LCTL: variants seen among roughly 807,000 people sequenced by gnomAD.
LCTL encodes the protein lactase like, also known as lactase-like protein.
LCTL carries 76 observed loss-of-function variants against 75.8 expected under a neutral mutation model. The observed-to-expected ratio is 1.00, with a 90% CI of 0.83 to 1.21. LCTL has a LOEUF of 1.21. Ranked by LOEUF, LCTL falls within the 50% of genes most tolerant of loss-of-function variation. The pLI is 0.00. For missense variants in LCTL, 670 were observed against 712.4 expected (o/e 0.94, Z 0.68); for synonymous variants, 271 against 268.8 (o/e 1.01, Z -0.08).
intron 6 of LCTL, among the ~76,000 whole-genome samples, chr15:66,559,267 A>G (rs1416610692): frequency 1.3e-5 from 2 of 152,244 alleles, no homozygotes; most frequent in African/African-American, 2.4e-5. Context: ...TGAAGGCTAT[A>G]GAATTCGGGG....
chr15:66,558,726 C>T (rs1166157699), intron 6 of LCTL, among the ~76,000 whole-genome samples: 2 of 143,776 alleles, frequency 1.4e-5, no homozygotes, highest in Non-Finnish European at 3.0e-5. Flanking sequence ...GATGGAGTCT[C>T]GCTCTGTGGC....
rs764839217 is a variant in LCTL at position 66,557,672 on chromosome 15, G to A, written c.922+50C>T. ...CCTGCCTTTTGCTTGTTTCACATGG[G>A]CTCAATAACTTGCCCTAGTATCTGC... is the stretch of plus-strand genomic sequence containing the variant. On this transcript the variant is annotated intron_variant, in intron 8 of 12. Coordinates refer to ENST00000341509, the Ensembl canonical transcript of LCTL. 5.1e-6 allele frequency: 8 copies of A among 1,578,698 alleles called. No individual in the cohort carries two copies. In the South Asian group the frequency reaches 7.9e-5, roughly 16 times the overall value.
chr15:66,552,997 A>G (rs1355990430), exon 9 of LCTL: 1 of 1,461,932 alleles, frequency 6.8e-7, no homozygotes, highest in Non-Finnish European at 9.0e-7. Context: ...AGCAAAGTTA[A>G]GGAGCCTCCT....
In LCTL at chr15:66,553,107, CT is replaced by C. The variant is rs1182107959; in HGVS notation, c.1073del (p.Gln358ArgfsTer11). The C allele has an allele frequency of 4.3e-6, 7 of 1,611,518 alleles. No homozygotes were observed. In the East Asian group the frequency reaches 1.6e-4, roughly 36 times the overall value. On this transcript the variant is annotated frameshift_variant, in exon 9 of 13. Coordinates refer to ENST00000341509, the Ensembl canonical transcript of LCTL. LOFTEE classifies it high-confidence loss of function. ...CACGATCGTTCTGGTAGCTGGGCCC[CT>C]GGCGGGAGGGGTAGTTCCTTTCCGT...
At chr15:66,553,392 A>G in intron 8 of LCTL, 134 bp from the exon 10 acceptor site, 1 of 690,218 alleles carries the variant, frequency 1.4e-6, no homozygotes. Context: ...GTATAACCTT[A>G]GCCATCCAAA....
chr15:66,563,919 C>A, exon 3 of LCTL: 1 of 1,613,910 alleles, frequency 6.2e-7, no homozygotes, highest in Non-Finnish European at 8.5e-7. Context: ...ACCTCGGATG[C>A]CTGTGGGCAG....
intron 4 of LCTL, among the ~76,000 whole-genome samples, chr15:66,563,140 C>G (rs1482548322): frequency 6.6e-6 from 1 of 152,132 alleles, no homozygotes; most frequent in East Asian, 1.9e-4. Flanking sequence ...GGGCTCTTCT[C>G]TCTTGAATGG....
At chr15:66,548,412 T>C (rs1895461756) in exon 13 of LCTL, 4 of 661,600 alleles carry the variant, frequency 6.0e-6, no homozygotes, top group Middle Eastern at 2.7e-4. Flanking sequence ...AACAGCAATG[T>C]ATGGAAACCC....
intron 9 of LCTL, 76 bp downstream of exon 10, chr15:66,552,908 T>C: frequency 7.8e-7 from 1 of 1,276,778 alleles, no homozygotes. Flanking sequence ...CTTTCTAATG[T>C]AGGCACCTGA....
chr15:66,565,225 G>A (rs779243842), intron 1 of LCTL, 23 bp downstream of exon 2: 2 of 1,492,954 alleles, frequency 1.3e-6, no homozygotes, highest in South Asian at 2.3e-5. Context: ...CAGGCAGACA[G>A]ACGAACAGAG....
chr15:66,551,522 G>C (rs1316035503), intron 11 of LCTL, 140 bp downstream of exon 12: 1 of 661,390 alleles, frequency 1.5e-6, no homozygotes, highest in Non-Finnish European at 2.6e-6. Flanking sequence ...AATGAGTAAA[G>C]GTGAAATAAA....
exon 4 of LCTL, chr15:66,563,598 T>G (rs143695562): frequency 6.2e-7 from 1 of 1,611,376 alleles, no homozygotes; most frequent in Non-Finnish European, 8.5e-7. Context: ...ACTGTAGAAT[T>G]CGATTCCCTT....
chr15:66,555,655 G>A (rs2140841073), intron 8 of LCTL, among the ~76,000 whole-genome samples: 1 of 152,150 alleles, frequency 6.6e-6, no homozygotes, highest in African/African-American at 2.4e-5. Flanking sequence ...ACAAAAATAG[G>A]CAAAAGAAGC....
exon 6 of LCTL, chr15:66,561,050 G>A (rs1392344513): frequency 6.2e-7 from 1 of 1,614,174 alleles, no homozygotes; most frequent in Admixed American, 1.7e-5. Context: ...GTGCCGCGGA[G>A]CTTCAGGCCC....
intron 2 of LCTL, 106 bp downstream of exon 3, chr15:66,564,570 T>G: frequency 7.7e-7 from 1 of 1,303,536 alleles, no homozygotes. Flanking sequence ...GGGATGACAT[T>G]GTCATCAGAG....
intron 11 of LCTL, 80 bp from the exon 13 acceptor site, chr15:66,550,184 G>A: frequency 1.3e-6 from 1 of 768,636 alleles, no homozygotes; most frequent in Non-Finnish European, 2.2e-6. Context: ...AATAAATGTG[G>A]GGTAAAAGTA....
At chr15:66,550,461 T>G (rs1895555300) in intron 11 of LCTL, among the ~76,000 whole-genome samples, 1 of 152,166 alleles carries the variant, frequency 6.6e-6, no homozygotes, top group African/African-American at 2.4e-5. Context: ...TTTTTAAAAT[T>G]ATTTTTATTA....
chr15:66,548,474 A>C (rs779249345), exon 13 of LCTL: 29 of 1,453,562 alleles, frequency 2.0e-5, no homozygotes, highest in Non-Finnish European at 2.7e-5. Flanking sequence ...GAAGCTCCAA[A>C]ATTGATAATC....
exon 13 of LCTL, chr15:66,547,634 CTAAAG>C (rs1333816229): frequency 1.3e-5 from 2 of 151,974 alleles, no homozygotes; most frequent in Admixed American, 6.6e-5. Context: ...ATTTCATTGA[CTAAAG>C]TAAGTTGAAT....
Sources: gnomAD v4.1 joint callset for allele counts (sites outside exome capture counted in the v4.1 genomes callset) on GRCh38, gnomAD v4.1.1 for gene constraint, MANE v1.5 for transcripts, NCBI Gene and HGNC (gene_info 2026-07-23, HGNC 2026-07-21) for gene names.